The following COX10 variants were observed in gnomAD, a reference collection of about 807,000 sequenced individuals.
The protein encoded by COX10 is cytochrome c oxidase assembly factor heme A:farnesyltransferase COX10, also known as protoheme IX farnesyltransferase, mitochondrial.
A neutral mutation model predicts 37.3 loss-of-function variants in COX10; 27 were observed. The observed-to-expected ratio is 0.72, with a 90% CI of 0.53 to 1.00. COX10 has a LOEUF of 1.00. Among genes scored for constraint, COX10 ranks in the 50% least tolerant of loss-of-function variants. The probability of loss-of-function intolerance (pLI) is 0.00; values close to 1 mark genes in which losing one functional copy is unlikely to be tolerated. For missense variants in COX10, 475 were observed against 563.2 expected, an observed-to-expected ratio of 0.84 and a Z score of 1.59; for synonymous variants, 222 against 229.1, an observed-to-expected ratio of 0.97 and a Z score of 0.28.
chr17:14,152,250 C>T (rs561726334), intron 4 of COX10, among the ~76,000 whole-genome samples: 9 of 152,108 alleles, frequency 5.9e-5, no homozygotes, highest in Non-Finnish European at 1.0e-4. Context: ...TTAATTGCAC[C>T]TACAGTTCCA....
At chr17:14,113,464 C>CT (rs1916049006) in intron 4 of COX10, among the ~76,000 whole-genome samples, 1 of 152,134 alleles carries the variant, frequency 6.6e-6, no homozygotes, top group African/African-American at 2.4e-5. Context: ...TGAAAAAGAG[C>CT]TTTTTTCTGA....
chr17:14,146,633 A>G (rs1904728297), intron 4 of COX10, among the ~76,000 whole-genome samples: 2 of 152,178 alleles, frequency 1.3e-5, no homozygotes, highest in South Asian at 4.1e-4. Context: ...GCAGACATGG[A>G]CAAATGGGAT....
At chr17:14,085,684 C>G (rs1048475411) in intron 3 of COX10, among the ~76,000 whole-genome samples, 2 of 151,918 alleles carry the variant, frequency 1.3e-5, no homozygotes, top group African/African-American at 4.8e-5. Flanking sequence ...ATACATAGTA[C>G]TATAATAAAT....
rs781358995 is a variant in COX10 at position 14,207,174 on chromosome 17, G to A, written c.1293G>A (p.Arg431=). ...LLLLLMLTCK[R]PSGGGDAGPP... is the part of the protein sequence containing the mutation. Reference sequence around the variant, plus strand: ...TGCTGCTCATGCTCACCTGCAAGCGGCCGAGCGGAGGCGGGGACGCAGGGC... The same window carrying A: ...TGCTGCTCATGCTCACCTGCAAGCGACCGAGCGGAGGCGGGGACGCAGGGC... Residue 431 remains arginine, a synonymous_variant, in exon 7 of 7, where the codon CGG becomes CGA. Coordinates refer to ENST00000261643, the MANE Select transcript of COX10 (RefSeq NM_001303.4). 2 of 1,608,302 alleles carry A rather than the reference G, an allele frequency of 1.2e-6. No homozygotes were observed. Among genetic ancestry groups the A allele is most frequent in the Admixed American group, 3.3e-5 (2 of 59,956 alleles).
intron 4 of COX10, among the ~76,000 whole-genome samples, chr17:14,111,250 A>G (rs769214964): frequency 1.5e-4 from 23 of 152,170 alleles, no homozygotes; most frequent in Non-Finnish European, 3.1e-4. Context: ...TTGTTGGGCA[A>G]GAAAGGGAAA....
At chr17:14,172,233 CT>C (rs1763090910) in intron 5 of COX10, among the ~76,000 whole-genome samples, 1 of 151,996 alleles carries the variant, frequency 6.6e-6, no homozygotes, top group African/African-American at 2.4e-5. Context: ...GTACAGGTAT[CT>C]TTTTGATTAA....
At chr17:14,136,374 T>C (rs1904366616) in intron 4 of COX10, among the ~76,000 whole-genome samples, 1 of 152,036 alleles carries the variant, frequency 6.6e-6, no homozygotes, top group Non-Finnish European at 1.5e-5. Context: ...GTAACAGGCA[T>C]CCTTCTAAGG....
intron 1 of COX10, among the ~76,000 whole-genome samples, chr17:14,071,984 C>G (rs903128174): frequency 5.9e-5 from 9 of 152,040 alleles, no homozygotes; most frequent in African/African-American, 2.2e-4. Context: ...AAATCAGGAG[C>G]CAGTGTTGAT....
chr17:14,084,455 A>G (rs1028839988), intron 3 of COX10, among the ~76,000 whole-genome samples: 2 of 152,144 alleles, frequency 1.3e-5, no homozygotes, highest in Admixed American at 6.5e-5. Context: ...TTTTCTATGC[A>G]TCTCATATAT....
chr17:14,171,410 G>A (rs1329860433), intron 5 of COX10, among the ~76,000 whole-genome samples: 2 of 152,002 alleles, frequency 1.3e-5, no homozygotes, highest in African/African-American at 4.8e-5. Flanking sequence ...CCCTGGAGGT[G>A]CAGTGGTGAC....
chr17:14,122,858 A>G (rs1916259404), intron 4 of COX10, among the ~76,000 whole-genome samples: 2 of 152,330 alleles, frequency 1.3e-5, no homozygotes, highest in Admixed American at 6.5e-5. Context: ...ACCTGTACCC[A>G]AAGAAACCAA....
intron 4 of COX10, among the ~76,000 whole-genome samples, chr17:14,124,450 A>C (rs1452780140): frequency 2.0e-5 from 3 of 152,150 alleles, no homozygotes; most frequent in African/African-American, 4.8e-5. Context: ...AGGACAACTC[A>C]GAGTAGGTTA....
chr17:14,148,567 G>A (rs1413504281), intron 4 of COX10, among the ~76,000 whole-genome samples: 1 of 152,148 alleles, frequency 6.6e-6, no homozygotes, highest in Non-Finnish European at 1.5e-5. Context: ...AAACTCCCAC[G>A]AGGTTCACAT....
At chr17:14,130,217 T>G (rs1282009340) in intron 4 of COX10, among the ~76,000 whole-genome samples, 2 of 152,184 alleles carry the variant, frequency 1.3e-5, no homozygotes, top group Non-Finnish European at 2.9e-5. Flanking sequence ...TAGGAAAATA[T>G]TCCTCCCATT....
chr17:14,145,024 G>A (rs1333357997), intron 4 of COX10, among the ~76,000 whole-genome samples: 3 of 152,046 alleles, frequency 2.0e-5, no homozygotes, highest in Admixed American at 2.0e-4. Context: ...GAAGGGGACA[G>A]GATTACCAGT....
intron 3 of COX10, among the ~76,000 whole-genome samples, chr17:14,089,250 T>G (rs1915475087): frequency 6.6e-6 from 1 of 152,270 alleles, no homozygotes; most frequent in Admixed American, 6.5e-5. Flanking sequence ...AAAATACCAC[T>G]CTTTAGTCTG....
intron 3 of COX10, among the ~76,000 whole-genome samples, chr17:14,083,351 G>T (rs1353046151): frequency 6.6e-6 from 1 of 152,080 alleles, no homozygotes; most frequent in Non-Finnish European, 1.5e-5. Context: ...GAGTCAGCAG[G>T]ATTTTTTATT....
rs546127397 is a variant in COX10, at chr17:14,082,632, C to T, written c.499+5576C>T. Among the ~76,000 whole-genome samples, 40 of 152,158 alleles carry T rather than the reference C, an allele frequency of 2.6e-4. No individual in the cohort carries two copies. In the South Asian group the frequency reaches 8.1e-3, roughly 31 times the overall value. ...ATGGTTATATATCTGAATTGTCATT[C>T]CAGATGCAGGGTTTGATATCTAAAA... On this transcript the variant is annotated intron_variant, in intron 3 of 6. Coordinates refer to ENST00000261643, the MANE Select transcript of COX10 (RefSeq NM_001303.4).
chr17:14,124,684 T>C (rs902315906), intron 4 of COX10, among the ~76,000 whole-genome samples: 3 of 152,172 alleles, frequency 2.0e-5, no homozygotes, highest in African/African-American at 4.8e-5. Context: ...GATGGTCCGG[T>C]GCAGATACCT....
Sources: allele counts gnomAD v4.1 joint callset (sites outside exome capture counted in the v4.1 genomes callset), GRCh38; gene constraint gnomAD v4.1.1; transcripts MANE v1.5; gene names NCBI Gene and HGNC (gene_info 2026-07-23, HGNC 2026-07-21).